Variants in RALY observed in about 807,000 individuals in gnomAD.
RALY encodes RALY heterogeneous nuclear ribonucleoprotein.
RALY carries 15 observed loss-of-function variants against 30.7 expected under a neutral mutation model. The observed-to-expected ratio is 0.49, with a 90% confidence interval of 0.33 to 0.75. The LOEUF is 0.75. Ranked by LOEUF, RALY falls within the 30% of genes least tolerant of loss-of-function variation. The pLI is 0.02. For synonymous variants in RALY, 177 were observed against 170.8 expected, an observed-to-expected ratio of 1.04 and a Z score of -0.28; for missense variants, 339 against 414.3, an observed-to-expected ratio of 0.82 and a Z score of 1.58.
chr20:34,076,885 T>G (rs1405762688), intron 7 of RALY, 70 bp downstream of exon 7: 1 of 1,591,186 alleles, frequency 6.3e-7, no homozygotes, highest in African/African-American at 1.3e-5. Context: ...AAATAGTACA[T>G]GGGAGAGAGG....
chr20:34,040,708 T>C lies in RALY; in HGVS notation c.-10+9104T>C, dbSNP rs2032667683. On this transcript the variant is annotated intron_variant, in intron 2 of 9. Transcript: ENST00000246194. ...AGGTACTTTAAATAGATTATCTCCC[T>C]TAATCTTTATAACTCATTAAGCTAT... Among the ~76,000 whole-genome samples the C allele has an allele frequency of 3.3e-5, 5 of 152,234 alleles. No individual in the cohort carries two copies. The South Asian group carries it at 1.0e-3, about 32-fold the overall frequency.
chr20:34,002,735 C>T (rs894210496), intron 1 of RALY, among the ~76,000 whole-genome samples: 2 of 152,164 alleles, frequency 1.3e-5, no homozygotes, highest in African/African-American at 4.8e-5. Flanking sequence ...GACAACATTT[C>T]CTTTCAGGTT....
intron 2 of RALY, among the ~76,000 whole-genome samples, chr20:34,067,471 CTGT>C (rs1349562287): frequency 6.6e-6 from 1 of 152,182 alleles, no homozygotes; most frequent in Non-Finnish European, 1.5e-5. Flanking sequence ...CAGCCAGTGG[CTGT>C]TGTTACTGTG....
rs6059652 is a variant in RALY, at chr20:34,060,740, C to G, written c.-9-11326C>G. 6.9e-3 allele frequency among the ~76,000 whole-genome samples: 1,044 copies of G among 152,292 alleles called. 12 individuals carry two copies. Among genetic ancestry groups the G allele is most frequent in the African/African-American group, 0.023 (943 of 41,552 alleles). On this transcript the variant is annotated intron_variant, in intron 2 of 9. Transcript: ENST00000246194. ...TGATGTCAAGCCATGTATTTAACTC[C>G]TACACACAGCAAGCTTTACCTCTCT...
chr20:34,055,628 T>C (rs1165804506), intron 2 of RALY, among the ~76,000 whole-genome samples: 1 of 152,174 alleles, frequency 6.6e-6, no homozygotes, highest in African/African-American at 2.4e-5. Context: ...GAGATGACAC[T>C]GAAACAGAGT....
chr20:34,077,701 G>T, intron 8 of RALY: 1 of 228,638 alleles, frequency 4.4e-6, no homozygotes. Context: ...TTCAGGCTGA[G>T]GCCGGCAGGC....
chr20:34,078,484 C>G, intron 8 of RALY, 21 bp from the exon 9 acceptor site: 1 of 1,569,374 alleles, frequency 6.4e-7, no homozygotes, highest in Non-Finnish European at 8.6e-7. Flanking sequence ...TGTGTGGTCT[C>G]TCTTACCTCC....
intron 1 of RALY, among the ~76,000 whole-genome samples, chr20:34,007,836 A>AAG (rs2031231499): frequency 6.6e-6 from 1 of 151,586 alleles, no homozygotes. Flanking sequence ...AAAAAAAAAA[A>AAG]AAAAAGTTCC....
chr20:34,007,569 C>T (rs999297007), intron 1 of RALY, among the ~76,000 whole-genome samples: 2 of 151,778 alleles, frequency 1.3e-5, no homozygotes, highest in African/African-American at 4.8e-5. Context: ...CCTATAATCC[C>T]AGCACTTCGG....
At chr20:34,073,117 G>C (rs1332237007) in intron 3 of RALY, among the ~76,000 whole-genome samples, 1 of 152,190 alleles carries the variant, frequency 6.6e-6, no homozygotes, top group African/African-American at 2.4e-5. Flanking sequence ...CATGTGGGTA[G>C]TTGTCTATAC....
intron 2 of RALY, among the ~76,000 whole-genome samples, chr20:34,048,312 G>C (rs1601468463): frequency 6.6e-6 from 1 of 152,280 alleles, no homozygotes; most frequent in East Asian, 1.9e-4. Context: ...CGTGCTCCTG[G>C]GGGGATGAGA....
At position 34,077,200 on chromosome 20, in the gene RALY, C is replaced by G. The variant is rs199998572; in HGVS notation, c.831C>G (p.Asp277Glu). ...GLPQGEARTR[D>E]DGDEEGLLTH... ...CCCAGGGGGAAGCACGGACCCGAGACGACGGCGATGAGGAAGGGCTCCTGA... is the reference window on the plus strand; with the variant it reads ...CCCAGGGGGAAGCACGGACCCGAGAGGACGGCGATGAGGAAGGGCTCCTGA... Residue 277 changes from aspartate (D) to glutamate (E), a missense_variant, in exon 8 of 10, where the codon GAC becomes GAG. By Grantham distance (45) the Asp-to-Glu change is conservative. Around this residue, in one of 2 missense-constraint regions of RALY, gnomAD observed 268 missense variants for 280.6 expected, o/e 0.95. Transcript: ENST00000246194. The G allele has an allele frequency of 2.5e-6, 4 of 1,613,788 alleles. No individual in the cohort carries two copies. In the South Asian group the frequency reaches 3.3e-5, roughly 13 times the overall value.
At chr20:34,008,871 G>A (rs1035964707) in intron 1 of RALY, among the ~76,000 whole-genome samples, 1 of 152,076 alleles carries the variant, frequency 6.6e-6, no homozygotes, top group African/African-American at 2.4e-5. Flanking sequence ...TGTTACCCAG[G>A]CTGGTCTCAC....
intron 1 of RALY, among the ~76,000 whole-genome samples, chr20:33,999,130 AAAAAAAAAAAAGG>A (rs1236866841): frequency 1.3e-5 from 2 of 151,778 alleles, no homozygotes; most frequent in African/African-American, 2.4e-5. Flanking sequence ...TCTCAAAAAA[AAAAAAAAAAAAGG>A]AAAGAAAAAA....
chr20:34,032,969 A>G (rs768250708), intron 2 of RALY, among the ~76,000 whole-genome samples: 6 of 152,154 alleles, frequency 3.9e-5, no homozygotes, highest in South Asian at 2.1e-4. Context: ...GAGGGGGACT[A>G]CTAGACTGAA....
intron 5 of RALY, 53 bp from the exon 6 acceptor site, chr20:34,075,821 C>A: frequency 1.3e-6 from 2 of 1,561,054 alleles, no homozygotes; most frequent in East Asian, 2.3e-5. Context: ...GCTGCAATAC[C>A]GCCCTGGTGG....
chr20:34,021,435 A>G (rs1264338713), intron 1 of RALY, among the ~76,000 whole-genome samples: 1 of 152,188 alleles, frequency 6.6e-6, no homozygotes, highest in African/African-American at 2.4e-5. Context: ...ACCTGGCAGA[A>G]GGCATCACAT....
intron 1 of RALY, among the ~76,000 whole-genome samples, chr20:33,998,811 G>T (rs921971580): frequency 3.9e-5 from 6 of 152,020 alleles, no homozygotes; most frequent in African/African-American, 1.5e-4. Flanking sequence ...GTGGGAGAGC[G>T]TGTGCAAGAG....
At position 34,073,649 on chromosome 20, in the gene RALY, A is replaced by T. The variant is rs1325137016; in HGVS notation, c.329+14A>T. The T allele has an allele frequency of 1.3e-5, 21 of 1,575,860 alleles. No individual in the cohort carries two copies. The highest frequency in any genetic ancestry group is 7.8e-5 in the South Asian group (7 of 90,270). On this transcript the variant is annotated intron_variant, in intron 4 of 9. Transcript: ENST00000246194. ...TGCCATATACAGGTGGGGCTGTCTG[A>T]CTGTCTGTCTGTCTGGTGGGATGAC...
Sources: allele counts gnomAD v4.1 joint callset (sites outside exome capture counted in the v4.1 genomes callset), GRCh38; gene constraint gnomAD v4.1.1; regional missense constraint gnomAD v4.1.1; transcripts MANE v1.5; gene names NCBI Gene and HGNC (gene_info 2026-07-23, HGNC 2026-07-21).